TTC17: variants seen among roughly 807,000 people sequenced by gnomAD.
TTC17 encodes the protein tetratricopeptide repeat domain 17.
A neutral mutation model predicts 143.8 loss-of-function variants in TTC17; 58 were observed. The ratio of observed to expected loss-of-function variants is 0.40; its 90% CI spans 0.33 to 0.50. TTC17 has a LOEUF of 0.50. Ranked by LOEUF, TTC17 falls within the 20% of genes least tolerant of loss-of-function variation. The pLI, the probability that TTC17 is intolerant of heterozygous loss-of-function variation, is 0.49. For synonymous variants in TTC17, 501 were observed against 497.8 expected, an observed-to-expected ratio of 1.01 and a Z score of -0.09; for missense variants, 1,273 against 1,392.5, an observed-to-expected ratio of 0.91 and a Z score of 1.37.
At position 43,414,906 on chromosome 11, in the gene TTC17, A is replaced by G. The variant is rs1946743135; in HGVS notation, c.2251+130A>G. 1.1e-5 allele frequency: 10 copies of G among 939,042 alleles called. 1 individual carries two copies. The South Asian group carries it at 1.8e-4, about 17-fold the overall frequency. The allele number at this position is 939,042 out of a possible 1,614,324, so 58.2% of individuals were successfully genotyped here. A position where few individuals can be genotyped will look rare whatever the true frequency, so the allele number is the denominator to read the frequency against. On this transcript the variant is annotated intron_variant, in intron 16 of 23. Coordinates refer to ENST00000039989, the MANE Select transcript of TTC17 (RefSeq NM_018259.6). ...AGATAACCAGTATAATTCCAGATGC[A>G]TAGGAAAAGATGTTAATTCCTTACT...
chr11:43,359,724 C>T (rs1403049081), intron 1 of TTC17, among the ~76,000 whole-genome samples: 2 of 152,240 alleles, frequency 1.3e-5, no homozygotes, highest in African/African-American at 4.8e-5. Context: ...GAAGATGCCG[C>T]TGGTGGCGTT....
chr11:43,446,741 A>G (rs1397839134), intron 18 of TTC17: 1 of 905,450 alleles, frequency 1.1e-6, no homozygotes, highest in African/African-American at 1.8e-5. Context: ...CTTCCTGCCT[A>G]TTCCATTATA....
In TTC17 at chr11:43,467,874, CA is replaced by C. The variant is rs749942466; in HGVS notation, c.3030+16623del. Among the ~76,000 whole-genome samples, 999 of 128,794 alleles carry C rather than the reference CA, an allele frequency of 7.8e-3. 8 individuals carry two copies. The highest frequency in any genetic ancestry group is 0.022 in the African/African-American group (743 of 34,474). 84.5% of individuals were successfully genotyped at this position (128,794 alleles called of 152,430 possible). On this transcript the variant is annotated intron_variant, in intron 21 of 23. Transcript: ENST00000039989. ...CAATAAAGGACATGTGGGACACATCCAAAAAAAAAAAAAATCCAACATACAG... is the reference window on the plus strand; with the variant it reads ...CAATAAAGGACATGTGGGACACATCCAAAAAAAAAAAAATCCAACATACAG...
intron 21 of TTC17, among the ~76,000 whole-genome samples, chr11:43,477,617 C>T (rs1398015444): frequency 2.6e-5 from 4 of 152,124 alleles, no homozygotes; most frequent in Non-Finnish European, 4.4e-5. Flanking sequence ...TTCACTATCA[C>T]GAGAATAGCA....
chr11:43,411,814 T>C (rs1034980500), intron 15 of TTC17, among the ~76,000 whole-genome samples: 1 of 152,212 alleles, frequency 6.6e-6, no homozygotes, highest in African/African-American at 2.4e-5. Context: ...AGTAATAGTT[T>C]GAATGTAATC....
At chr11:43,406,887 G>T (rs1443920859) in intron 13 of TTC17, among the ~76,000 whole-genome samples, 1 of 152,116 alleles carries the variant, frequency 6.6e-6, no homozygotes, top group African/African-American at 2.4e-5. Flanking sequence ...CTTTAATGGG[G>T]TATGGTAGGT....
chr11:43,481,830 G>T (rs1388050891), intron 21 of TTC17, among the ~76,000 whole-genome samples: 1 of 151,962 alleles, frequency 6.6e-6, no homozygotes, highest in Non-Finnish European at 1.5e-5. Flanking sequence ...GGAATAGGGG[G>T]ACAGAGTCTC....
chr11:43,439,771 C>G (rs930116516), intron 16 of TTC17, among the ~76,000 whole-genome samples: 1 of 151,980 alleles, frequency 6.6e-6, no homozygotes, highest in East Asian at 1.9e-4. Context: ...GCACCCAGCC[C>G]GTAGCTTCAT....
At chr11:43,407,001 C>CAT (rs1388097514) in intron 13 of TTC17, 137 bp from the exon 14 acceptor site, 14 of 611,836 alleles carry the variant, frequency 2.3e-5, no homozygotes, top group Admixed American at 1.8e-4. Flanking sequence ...GAATTTATGT[C>CAT]ATATATATGA....
chr11:43,452,957 A>G (rs568568652), intron 21 of TTC17, among the ~76,000 whole-genome samples: 44 of 152,312 alleles, frequency 2.9e-4, no homozygotes, highest in Non-Finnish European at 5.6e-4. Context: ...ATAAATAAAG[A>G]TCACAAAGCA....
intron 21 of TTC17, among the ~76,000 whole-genome samples, chr11:43,463,227 T>C (rs1947905545): frequency 6.6e-6 from 1 of 152,106 alleles, no homozygotes; most frequent in Admixed American, 6.6e-5. Context: ...AATTCATTCT[T>C]TTACATGCAC....
At chr11:43,361,221 G>A (rs577117833) in intron 1 of TTC17, among the ~76,000 whole-genome samples, 28 of 152,250 alleles carry the variant, frequency 1.8e-4, no homozygotes, top group Non-Finnish European at 3.4e-4. Flanking sequence ...AATTTAGATC[G>A]TGATTAATTA....
chr11:43,434,414 G>A lies in TTC17; in HGVS notation c.2252-8911G>A, dbSNP rs542225395. 4.3e-4 allele frequency among the ~76,000 whole-genome samples: 66 copies of A among 152,230 alleles called. 2 individuals carry two copies. The South Asian group carries it at 0.013, about 30-fold the overall frequency. The stretch of plus-strand genomic sequence containing the variant: ...GCTGCCTTCCCTACTGATCGGCGGG[G>A]GGAAGCCTAGAAGCCTTGTAATAAG... On this transcript the variant is annotated intron_variant, in intron 16 of 23. Coordinates refer to ENST00000039989, the MANE Select transcript of TTC17 (RefSeq NM_018259.6).
In TTC17 at chr11:43,397,989, A is replaced by C. The variant is rs766286299; in HGVS notation, c.934A>C (p.Asn312His). 4.1e-5 allele frequency: 66 copies of C among 1,612,828 alleles called. No homozygotes were observed. Among genetic ancestry groups the C allele is most frequent in the Non-Finnish European group, 5.3e-5 (63 of 1,179,816 alleles). The change falls in exon 8 of 24, where the codon AAC becomes CAC. Residue 312 changes from asparagine to histidine, a missense_variant. Around this residue, in one of 3 missense-constraint regions of TTC17, gnomAD observed 325 missense variants for 444.2 expected, o/e 0.73. Transcript: ENST00000039989. ...GNIYAMLGEY[N>H]HSVLCYDHAL... ...GTCTCTTCAGATGCTTGGGGAATAT[A>C]ACCACTCAGTGCTCTGTTATGACCA...
chr11:43,376,717 C>T (rs370276170), intron 1 of TTC17, among the ~76,000 whole-genome samples: 17 of 152,140 alleles, frequency 1.1e-4, no homozygotes, highest in African/African-American at 3.1e-4. Context: ...CTCAGGACAT[C>T]GACTCATAGT....
intron 11 of TTC17, among the ~76,000 whole-genome samples, chr11:43,405,103 T>C (rs759106271): frequency 4.0e-5 from 6 of 151,394 alleles, no homozygotes; most frequent in Non-Finnish European, 7.4e-5. Flanking sequence ...TCTTTTTTTT[T>C]TTTTTTTTCT....
At chr11:43,469,203 A>T (rs1948041741) in intron 21 of TTC17, among the ~76,000 whole-genome samples, 1 of 152,232 alleles carries the variant, frequency 6.6e-6, no homozygotes, top group Non-Finnish European at 1.5e-5. Context: ...CTAGACAGTG[A>T]AAAAGACTGA....
intron 18 of TTC17, among the ~76,000 whole-genome samples, chr11:43,447,175 G>A (rs1454443384): frequency 6.6e-6 from 1 of 151,974 alleles, no homozygotes; most frequent in Non-Finnish European, 1.5e-5. Context: ...AGAAAGCAAG[G>A]TGCTGTCTCT....
chr11:43,446,093 G>A, intron 18 of TTC17: 3 of 1,492,592 alleles, frequency 2.0e-6, no homozygotes, highest in South Asian at 2.6e-5. Context: ...ACTTCCTAGT[G>A]TGGTGTACAA....
Sources: allele counts gnomAD v4.1 joint callset (sites outside exome capture counted in the v4.1 genomes callset), GRCh38; gene constraint gnomAD v4.1.1; regional missense constraint gnomAD v4.1.1; transcripts MANE v1.5; gene names NCBI Gene and HGNC (gene_info 2026-07-23, HGNC 2026-07-21).